SORCS2: variants seen among roughly 807,000 people sequenced by gnomAD.
The protein encoded by SORCS2 is sortilin related VPS10 domain containing receptor 2.
A neutral mutation model predicts 141.6 loss-of-function variants in SORCS2; 100 were observed. The ratio of observed to expected loss-of-function variants is 0.71; its 90% CI spans 0.60 to 0.83. The LOEUF (loss-of-function observed/expected upper bound fraction) is 0.83, where lower values mean the gene tolerates loss of function less well. Among genes scored for constraint, SORCS2 ranks in the 40% least tolerant of loss-of-function variants. The pLI is 0.00. For synonymous variants in SORCS2, 789 were observed against 676.9 expected, an observed-to-expected ratio of 1.17 and a Z score of -2.57; for missense variants, 1,646 against 1,560.2, an observed-to-expected ratio of 1.05 and a Z score of -0.93.
At chr4:7,358,534 C>A (rs909610810) in intron 1 of SORCS2, among the ~76,000 whole-genome samples, 4 of 152,218 alleles carry the variant, frequency 2.6e-5, no homozygotes, top group African/African-American at 9.6e-5. Flanking sequence ...GATGCATTCC[C>A]GTCCCAGATG....
intron 1 of SORCS2, among the ~76,000 whole-genome samples, chr4:7,218,612 T>C (rs1360745477): frequency 2.6e-5 from 4 of 152,198 alleles, no homozygotes; most frequent in East Asian, 1.9e-4. Context: ...AAACAGGACA[T>C]TGGGGATGTG....
chr4:7,708,333 G>A (rs1419930035), intron 14 of SORCS2, among the ~76,000 whole-genome samples: 1 of 152,208 alleles, frequency 6.6e-6, no homozygotes, highest in African/African-American at 2.4e-5. Flanking sequence ...CATTGTGGTG[G>A]GATTGAGGGG....
intron 1 of SORCS2, among the ~76,000 whole-genome samples, chr4:7,215,101 C>T (rs1728252120): frequency 6.6e-6 from 1 of 152,158 alleles, no homozygotes; most frequent in Non-Finnish European, 1.5e-5. Flanking sequence ...CAGGAGCCCA[C>T]TCCCTCAGCT....
intron 1 of SORCS2, among the ~76,000 whole-genome samples, chr4:7,341,827 A>T (rs932632837): frequency 6.6e-6 from 1 of 152,214 alleles, no homozygotes; most frequent in African/African-American, 2.4e-5. Flanking sequence ...CCCAAAAGGA[A>T]ACTCCAGACC....
At chr4:7,690,917 C>A (rs1724205637) in intron 11 of SORCS2, among the ~76,000 whole-genome samples, 1 of 152,106 alleles carries the variant, frequency 6.6e-6, no homozygotes, top group African/African-American at 2.4e-5. Context: ...TAAATAATAC[C>A]ATAAAATGAG....
intron 12 of SORCS2, among the ~76,000 whole-genome samples, chr4:7,699,634 G>A (rs1301634502): frequency 1.3e-5 from 2 of 152,194 alleles, no homozygotes; most frequent in Admixed American, 1.3e-4. Context: ...TGGAGCCAGG[G>A]AAGGGGGCTG....
chr4:7,584,697 G>A (rs1217385845), intron 3 of SORCS2, among the ~76,000 whole-genome samples: 2 of 152,150 alleles, frequency 1.3e-5, no homozygotes, highest in African/African-American at 2.4e-5. Flanking sequence ...AAACCACAGC[G>A]GGGCTCAGCT....
At chr4:7,366,352 C>A (rs1239926576) in intron 1 of SORCS2, among the ~76,000 whole-genome samples, 1 of 152,056 alleles carries the variant, frequency 6.6e-6, no homozygotes, top group African/African-American at 2.4e-5. Context: ...GGAGCTGCAG[C>A]AGGGTCGAGT....
chr4:7,528,387 A>T (rs1733830367), intron 2 of SORCS2, among the ~76,000 whole-genome samples: 1 of 147,862 alleles, frequency 6.8e-6, no homozygotes, highest in East Asian at 2.0e-4. Context: ...CTTCCTAGGC[A>T]CTGGCAGCTG....
At chr4:7,647,660 A>C (rs1721166086) in intron 4 of SORCS2, among the ~76,000 whole-genome samples, 1 of 152,198 alleles carries the variant, frequency 6.6e-6, no homozygotes, top group African/African-American at 2.4e-5. Context: ...AGGCTGTGTG[A>C]GGAAGATCCA....
At chr4:7,627,488 T>A (rs563863494) in intron 3 of SORCS2, among the ~76,000 whole-genome samples, 64 of 152,326 alleles carry the variant, frequency 4.2e-4, no homozygotes, top group Non-Finnish European at 7.6e-4. Flanking sequence ...AATGGGGCCC[T>A]CGTCCGCCTA....
At chr4:7,273,953 G>T (rs1479874155) in intron 1 of SORCS2, among the ~76,000 whole-genome samples, 1 of 152,204 alleles carries the variant, frequency 6.6e-6, no homozygotes, top group Non-Finnish European at 1.5e-5. Flanking sequence ...AGACAATGTG[G>T]CCTCCGCACA....
At chr4:7,428,285 C>T (rs1392165670) in intron 2 of SORCS2, among the ~76,000 whole-genome samples, 1 of 152,226 alleles carries the variant, frequency 6.6e-6, no homozygotes, top group Non-Finnish European at 1.5e-5. Context: ...CGCAGGGCGG[C>T]ATCAGCACAA....
At chr4:7,217,131 C>T (rs1409730378) in intron 1 of SORCS2, among the ~76,000 whole-genome samples, 2 of 152,246 alleles carry the variant, frequency 1.3e-5, no homozygotes, top group Non-Finnish European at 2.9e-5. Flanking sequence ...TTCCCCTTCA[C>T]CTACTCCATG....
chr4:7,270,039 G>A (rs1715011432), intron 1 of SORCS2, among the ~76,000 whole-genome samples: 2 of 152,188 alleles, frequency 1.3e-5, no homozygotes, highest in Non-Finnish European at 2.9e-5. Flanking sequence ...GCCACCATGT[G>A]TGGCTAATTT....
intron 1 of SORCS2, among the ~76,000 whole-genome samples, chr4:7,354,046 A>G (rs888301688): frequency 5.9e-5 from 9 of 152,306 alleles, no homozygotes; most frequent in Admixed American, 4.6e-4. Flanking sequence ...TCTCTGAAAT[A>G]TAAGAACAGT....
intron 3 of SORCS2, among the ~76,000 whole-genome samples, chr4:7,592,340 CCTGGTGA>C (rs1481400421): frequency 1.3e-5 from 2 of 152,178 alleles, no homozygotes; most frequent in African/African-American, 4.8e-5. Context: ...CCTTACTCGC[CCTGGTGA>C]CTGCAGTAAT....
chr4:7,605,656 T>A (rs1718010315), intron 3 of SORCS2, among the ~76,000 whole-genome samples: 1 of 152,214 alleles, frequency 6.6e-6, no homozygotes, highest in South Asian at 2.1e-4. Context: ...TAGGCTGCCA[T>A]ATTGCCAGAA....
chr4:7,612,051 A>C (rs558713423), intron 3 of SORCS2, among the ~76,000 whole-genome samples: 7 of 152,308 alleles, frequency 4.6e-5, no homozygotes, highest in Admixed American at 4.6e-4. Context: ...AGGACAGCGG[A>C]AGGTGACACA....
Sources: allele counts gnomAD v4.1 joint callset (sites outside exome capture counted in the v4.1 genomes callset), GRCh38; gene constraint gnomAD v4.1.1; transcripts MANE v1.5; gene names NCBI Gene and HGNC (gene_info 2026-07-23, HGNC 2026-07-21).